C3orf33: variants seen among roughly 807,000 people sequenced by gnomAD.
C3orf33 encodes the protein mitochondrial inner membrane subdomain organizer 1, also known as AP-1 activity suppressor.
Under a neutral mutation model 28.7 loss-of-function variants are expected in C3orf33, and 23 were observed. The ratio of observed to expected loss-of-function variants is 0.80; its 90% CI spans 0.58 to 1.13. The LOEUF is 1.13. Ranked by LOEUF, C3orf33 falls within the 50% of genes most tolerant of loss-of-function variation. The pLI, the probability that C3orf33 is intolerant of heterozygous loss-of-function variation, is 0.00. For synonymous variants in C3orf33, 119 were observed against 120.5 expected, an observed-to-expected ratio of 0.99 and a Z score of 0.08; for missense variants, 327 against 353.4, an observed-to-expected ratio of 0.93 and a Z score of 0.60.
At chr3:155,783,375 G>C (rs1434382139) in intron 2 of C3orf33, among the ~76,000 whole-genome samples, 2 of 151,730 alleles carry the variant, frequency 1.3e-5, no homozygotes, top group South Asian at 2.1e-4. Context: ...GGCTGGTCTT[G>C]AACTCCTGAC....
chr3:155,763,707 G>A lies in C3orf33; in HGVS notation c.695C>T (p.Ser232Phe). 6.3e-7 allele frequency: 1 copy of A among 1,593,522 alleles called. No individual in the cohort carries two copies. Among genetic ancestry groups the A allele is most frequent in the Non-Finnish European group, 8.5e-7 (1 of 1,174,462 alleles). The part of the protein sequence containing the change: ...KESYLEKFKD[S>F]WREIWKKDSF... Reference sequence around the variant, plus strand: ...GTCCTTTTTCCATATTTCTCTCCAGGAATCTTTGAATTTTTCTAAGTAACT... The same window carrying A: ...GTCCTTTTTCCATATTTCTCTCCAGAAATCTTTGAATTTTTCTAAGTAACT... The change falls in exon 5 of 5, where the codon TCC (serine) becomes TTC (phenylalanine). Residue 232 changes from serine (S) to phenylalanine (F), a missense_variant. Ser to Phe is a radical substitution (Grantham distance 155). Coordinates refer to ENST00000340171, the MANE Select transcript of C3orf33 (RefSeq NM_001308229.2).
chr3:155,773,428 G>A (rs960761121), intron 3 of C3orf33, among the ~76,000 whole-genome samples: 2 of 152,178 alleles, frequency 1.3e-5, no homozygotes, highest in African/African-American at 4.8e-5. Context: ...AGAACATGCA[G>A]TTCTGAACTA....
At chr3:155,778,160 A>AAAC (rs1237362382) in intron 2 of C3orf33, among the ~76,000 whole-genome samples, 1 of 151,660 alleles carries the variant, frequency 6.6e-6, no homozygotes, top group Non-Finnish European at 1.5e-5. Flanking sequence ...AAAAAAAAAA[A>AAAC]AAACAAGTAG....
intron 2 of C3orf33, among the ~76,000 whole-genome samples, chr3:155,797,806 C>T (rs1751523101): frequency 6.6e-6 from 1 of 152,224 alleles, no homozygotes; most frequent in Non-Finnish European, 1.5e-5. Flanking sequence ...CACAGTGGCT[C>T]ATGCCTGTAA....
At chr3:155,795,212 T>C (rs143741343) in intron 2 of C3orf33, among the ~76,000 whole-genome samples, 2,598 of 152,240 alleles carry the variant, frequency 0.017, 37 homozygotes, top group Non-Finnish European at 0.026. Flanking sequence ...TCCCAGCACT[T>C]TGGGAGGCCG....
chr3:155,792,805 A>G (rs1265760004), intron 2 of C3orf33, among the ~76,000 whole-genome samples: 1 of 152,158 alleles, frequency 6.6e-6, no homozygotes, highest in Non-Finnish European at 1.5e-5. Context: ...AAAAAAATAA[A>G]AAAGAATCAA....
At chr3:155,802,508 T>C (rs1266771647) in intron 2 of C3orf33, 24 bp downstream of exon 2, 1 of 1,577,494 alleles carries the variant, frequency 6.3e-7, no homozygotes, top group East Asian at 2.3e-5. Context: ...CTTGTTGTAA[T>C]GTCTTTTTCA....
intron 2 of C3orf33, among the ~76,000 whole-genome samples, chr3:155,794,715 A>G (rs983057953): frequency 5.3e-5 from 8 of 152,196 alleles, no homozygotes; most frequent in African/African-American, 1.7e-4. Context: ...CAGAAACTGC[A>G]GAAGAGCAGC....
intron 2 of C3orf33, among the ~76,000 whole-genome samples, chr3:155,782,610 A>G (rs1750960830): frequency 6.6e-6 from 1 of 152,208 alleles, no homozygotes; most frequent in South Asian, 2.1e-4. Flanking sequence ...AAAGTGCTAA[A>G]AGCAAGAAAA....
At chr3:155,784,634 G>A (rs865896399) in intron 2 of C3orf33, among the ~76,000 whole-genome samples, 1 of 151,930 alleles carries the variant, frequency 6.6e-6, no homozygotes, top group East Asian at 1.9e-4. Flanking sequence ...CAGGTACTTC[G>A]GAGGCTGAGG....
In C3orf33 at chr3:155,802,589, G is replaced by A. The variant is rs758662801; in HGVS notation, c.117C>T (p.Asn39=). The A allele has an allele frequency of 8.2e-6, 13 of 1,591,594 alleles. No individual in the cohort carries two copies. Among genetic ancestry groups the A allele is most frequent in the Non-Finnish European group, 1.0e-5 (12 of 1,173,564 alleles). The change falls in exon 2 of 5, where the codon AAC becomes AAT. Residue 39 remains asparagine, a splice_region_variant and synonymous_variant. Transcript: ENST00000340171. ...CAGCTATGGCCATTCCAGTGCTGAT[G>A]TTCTACAGAAAGAGATTTAAGGGTT... ...WADDHLRLVR[N]ISTGMAIAGI... is the part of the protein sequence containing the mutation.
rs1296279754 is a variant in C3orf33 at position 155,792,892 on chromosome 3, G to T, written c.174+9640C>A. Among the ~76,000 whole-genome samples, 3 of 152,242 alleles carry T rather than the reference G, an allele frequency of 2.0e-5. No individual in the cohort carries two copies. In the South Asian group the frequency reaches 6.2e-4, roughly 32 times the overall value. ...ATTGGCCTTGAAAAAGAGGCAGAGA[G>T]ATAGGGGTAGAAAGTTTAGTCAAAG... On this transcript the variant is annotated intron_variant, in intron 2 of 4. Coordinates refer to ENST00000340171, the MANE Select transcript of C3orf33 (RefSeq NM_001308229.2).
intron 3 of C3orf33, among the ~76,000 whole-genome samples, chr3:155,772,394 G>A (rs1423590158): frequency 1.3e-5 from 2 of 152,070 alleles, no homozygotes; most frequent in African/African-American, 4.8e-5. Flanking sequence ...TGAGATGGGT[G>A]GGAAACTCTG....
At chr3:155,798,898 T>C (rs1275026731) in intron 2 of C3orf33, among the ~76,000 whole-genome samples, 1 of 152,070 alleles carries the variant, frequency 6.6e-6, no homozygotes, top group Non-Finnish European at 1.5e-5. Flanking sequence ...AACCAGATTA[T>C]ATAAAGAGCT....
intron 2 of C3orf33, among the ~76,000 whole-genome samples, chr3:155,795,077 C>T (rs1231072311): frequency 6.6e-6 from 1 of 152,192 alleles, no homozygotes; most frequent in Non-Finnish European, 1.5e-5. Context: ...ACATTTCATC[C>T]AATGGCTGAA....
rs1439834927 is a variant in C3orf33, at chr3:155,788,145, T to C, written c.175-12297A>G. ...GGCGGAGCTTACAGTGAGCCGAGAT[T>C]GTGCCACTGCACTCCAGCCTGGGCG... On this transcript the variant is annotated intron_variant, in intron 2 of 4. Coordinates refer to ENST00000340171, the MANE Select transcript of C3orf33 (RefSeq NM_001308229.2). 2.0e-5 allele frequency among the ~76,000 whole-genome samples: 3 copies of C among 151,052 alleles called. No individual in the cohort carries two copies. The South Asian group carries it at 6.3e-4, about 32-fold the overall frequency.
chr3:155,769,500 AAAAG>A (rs1357135877), intron 3 of C3orf33, among the ~76,000 whole-genome samples: 1 of 151,708 alleles, frequency 6.6e-6, no homozygotes, highest in Non-Finnish European at 1.5e-5. Context: ...AAAAAAAAAA[AAAAG>A]AAGAAGAAGA....
At chr3:155,772,576 C>CTT (rs371722784) in intron 3 of C3orf33, among the ~76,000 whole-genome samples, 89 of 141,904 alleles carry the variant, frequency 6.3e-4, no homozygotes, top group Admixed American at 2.0e-3. Flanking sequence ...GTGTCAAAAA[C>CTT]TTTTTTTTTT....
In C3orf33 at chr3:155,794,494, C is replaced by G. The variant is rs78711643; in HGVS notation, c.174+8038G>C. ...AAGGAAGAGAAGACCACAAAACTAA[C>G]AGAAAAAAAAAATTTTTTAATGACA... On this transcript the variant is annotated intron_variant, in intron 2 of 4. Coordinates refer to ENST00000340171, the MANE Select transcript of C3orf33 (RefSeq NM_001308229.2). Among the ~76,000 whole-genome samples, 69 of 150,922 alleles carry G rather than the reference C, an allele frequency of 4.6e-4. 1 individual carries two copies. The East Asian group carries it at 0.012, about 26-fold the overall frequency.
Sources: gnomAD v4.1 joint callset for allele counts (sites outside exome capture counted in the v4.1 genomes callset) on GRCh38, gnomAD v4.1.1 for gene constraint, MANE v1.5 for transcripts, NCBI Gene and HGNC (gene_info 2026-07-23, HGNC 2026-07-21) for gene names.